TGFA: variants seen among roughly 807,000 people sequenced by gnomAD.
The protein encoded by TGFA is transforming growth factor alpha, also known as protransforming growth factor alpha.
In TGFA, 12 loss-of-function variants were observed where a neutral mutation model predicts 21.7. The observed-to-expected ratio is 0.55, with a 90% CI of 0.35 to 0.90. TGFA has a LOEUF of 0.90. Ranked by LOEUF, TGFA falls within the 40% of genes least tolerant of loss-of-function variation. The pLI, the probability that TGFA is intolerant of heterozygous loss-of-function variation, is 0.01. For missense variants in TGFA, 178 were observed against 210.8 expected (o/e 0.84, Z 0.96); for synonymous variants, 79 against 88.1 (o/e 0.90, Z 0.58).
chr2:70,543,644 T>G (rs1673202967), intron 1 of TGFA, among the ~76,000 whole-genome samples: 1 of 152,142 alleles, frequency 6.6e-6, no homozygotes, highest in Admixed American at 6.5e-5. Flanking sequence ...AAATTTGAGT[T>G]GAATAGATTG....
At chr2:70,539,329 G>A (rs1319932608) in intron 1 of TGFA, among the ~76,000 whole-genome samples, 1 of 152,002 alleles carries the variant, frequency 6.6e-6, no homozygotes, top group East Asian at 1.9e-4. Context: ...CCCGTAAAAT[G>A]GCAGAGAGAG....
intron 3 of TGFA, among the ~76,000 whole-genome samples, chr2:70,461,166 T>C (rs1471330582): frequency 2.0e-5 from 3 of 152,320 alleles, no homozygotes. Flanking sequence ...AGCTGGACTT[T>C]ACCTCGGTCT....
chr2:70,475,332 C>CA (rs782714034), intron 2 of TGFA, among the ~76,000 whole-genome samples: 38 of 152,286 alleles, frequency 2.5e-4, no homozygotes, highest in South Asian at 6.2e-4. Flanking sequence ...TTAATCCCCA[C>CA]AAAAATCTTG....
At chr2:70,508,113 C>T (rs114419298) in intron 2 of TGFA, among the ~76,000 whole-genome samples, 1,963 of 152,170 alleles carry the variant, frequency 0.013, 48 homozygotes, top group African/African-American at 0.045. Context: ...AAAATGAAGA[C>T]GAACTGCTGC....
At chr2:70,492,563 G>T (rs782385525) in intron 2 of TGFA, among the ~76,000 whole-genome samples, 1 of 152,186 alleles carries the variant, frequency 6.6e-6, no homozygotes, top group African/African-American at 2.4e-5. Context: ...TTGGCACCAG[G>T]GCCATTCCAG....
intron 1 of TGFA, among the ~76,000 whole-genome samples, chr2:70,545,273 G>C (rs889901927): frequency 1.4e-5 from 2 of 146,494 alleles, no homozygotes; most frequent in Admixed American, 1.3e-4. Context: ...AGAAAAAGAA[G>C]AAGAAGAAGA....
At chr2:70,521,363 C>T (rs1163724955) in intron 1 of TGFA, among the ~76,000 whole-genome samples, 1 of 152,274 alleles carries the variant, frequency 6.6e-6, no homozygotes, top group East Asian at 1.9e-4. Context: ...ATTGGCACTC[C>T]CAACTTGGTG....
intron 2 of TGFA, among the ~76,000 whole-genome samples, chr2:70,506,771 C>T (rs922606553): frequency 6.6e-5 from 10 of 152,198 alleles, no homozygotes; most frequent in African/African-American, 2.4e-4. Flanking sequence ...GGTTAAGTAT[C>T]TTGCCCAAGG....
intron 1 of TGFA, among the ~76,000 whole-genome samples, chr2:70,518,148 T>C (rs577587733): frequency 3.2e-4 from 49 of 152,338 alleles, no homozygotes; most frequent in African/African-American, 1.1e-3. Context: ...TCCTCCTGCC[T>C]AAGTTTCAAA....
chr2:70,520,088 G>A (rs1054536949), intron 1 of TGFA, among the ~76,000 whole-genome samples: 4 of 152,210 alleles, frequency 2.6e-5, no homozygotes, highest in African/African-American at 9.7e-5. Context: ...GTCACCATGA[G>A]CACCCACTGA....
chr2:70,466,743 G>A (rs921909794), intron 2 of TGFA, among the ~76,000 whole-genome samples: 1 of 152,026 alleles, frequency 6.6e-6, no homozygotes, highest in Non-Finnish European at 1.5e-5. Context: ...GTCTGTTCGT[G>A]GCAGGCCTAT....
At chr2:70,498,407 T>C (rs1438137440) in intron 2 of TGFA, among the ~76,000 whole-genome samples, 4 of 152,134 alleles carry the variant, frequency 2.6e-5, no homozygotes, top group Non-Finnish European at 2.9e-5. Context: ...GAGATGAGGT[T>C]GCAGAGGACC....
chr2:70,497,246 G>A (rs1481686162), intron 2 of TGFA, among the ~76,000 whole-genome samples: 1 of 152,236 alleles, frequency 6.6e-6, no homozygotes, highest in African/African-American at 2.4e-5. Flanking sequence ...TTTACTCTGA[G>A]AGTATGTTAC....
intron 1 of TGFA, among the ~76,000 whole-genome samples, chr2:70,534,820 C>T (rs1364295027): frequency 1.3e-5 from 2 of 152,146 alleles, no homozygotes; most frequent in Middle Eastern, 3.2e-3. Flanking sequence ...GAAAGTCTGG[C>T]TGCATTTAGC....
At chr2:70,478,506 A>G (rs1295685046) in intron 2 of TGFA, among the ~76,000 whole-genome samples, 12 of 152,172 alleles carry the variant, frequency 7.9e-5, no homozygotes. Context: ...ACTGGAAAAA[A>G]AAAAAGCATG....
chr2:70,543,540 G>T (rs1448954180), intron 1 of TGFA, among the ~76,000 whole-genome samples: 1 of 136,596 alleles, frequency 7.3e-6, no homozygotes, highest in Non-Finnish European at 1.6e-5. Context: ...AAAAAAAAAA[G>T]AAAAAAAAAG....
intron 2 of TGFA, among the ~76,000 whole-genome samples, chr2:70,484,825 C>T (rs891342156): frequency 6.6e-6 from 1 of 152,208 alleles, no homozygotes; most frequent in Non-Finnish European, 1.5e-5. Context: ...GTGCTCCCAA[C>T]AGCCTTCCAA....
intron 2 of TGFA, among the ~76,000 whole-genome samples, chr2:70,472,276 A>C (rs1158925971): frequency 3.9e-5 from 6 of 152,180 alleles, no homozygotes; most frequent in African/African-American, 1.4e-4. Flanking sequence ...TCTGAGTAGC[A>C]CTTGGGGCTG....
chr2:70,537,720 G>T (rs1293283140), intron 1 of TGFA, among the ~76,000 whole-genome samples: 2 of 152,210 alleles, frequency 1.3e-5, no homozygotes, highest in Non-Finnish European at 2.9e-5. Context: ...GCTAGCAGAG[G>T]CTGGTTCAAG....
Sources: allele counts gnomAD v4.1 joint callset (sites outside exome capture counted in the v4.1 genomes callset), GRCh38; gene constraint gnomAD v4.1.1; transcripts MANE v1.5; gene names NCBI Gene and HGNC (gene_info 2026-07-23, HGNC 2026-07-21).